The following CCDC149 variants were observed in gnomAD, a reference collection of about 807,000 sequenced individuals.
CCDC149 encodes the protein coiled-coil domain containing 149.
A neutral mutation model predicts 59.9 loss-of-function variants in CCDC149; 45 were observed. That is an observed-to-expected ratio of 0.75 (90% CI 0.59 to 0.96). The LOEUF is 0.96. CCDC149 is among the 40% of genes least tolerant of loss of function. The probability of loss-of-function intolerance (pLI) is 0.00; values close to 1 mark genes in which losing one functional copy is unlikely to be tolerated. For synonymous variants in CCDC149, 245 were observed against 260.6 expected (o/e 0.94, Z 0.58); for missense variants, 584 against 664.7 (o/e 0.88, Z 1.33).
Position 24,912,926 on chromosome 4 carries a change from C to T in CCDC149, c.-47G>A. 8.6e-7 allele frequency: 1 copy of T among 1,164,704 alleles called. No individual in the cohort carries two copies. The allele number at this position is 1,164,704 out of a possible 1,614,324, so 72.1% of individuals were successfully genotyped here. A position where few individuals can be genotyped will look rare whatever the true frequency, so the allele number is the denominator to read the frequency against. The stretch of plus-strand genomic sequence containing the variant: ...CCCCGCCGCCTCCTCCTCCTCGCGA[C>T]GTCGCGTCGCCGCCGCCGCCCGGGC... On this transcript the variant is annotated 5_prime_UTR_variant, in exon 1 of 13. Transcript: ENST00000635206.
chr4:24,847,383 T>G (rs1246068316), intron 4 of CCDC149, among the ~76,000 whole-genome samples: 4 of 152,186 alleles, frequency 2.6e-5, no homozygotes, highest in Non-Finnish European at 4.4e-5. Context: ...TAAATCTCAT[T>G]GTCCTGTTCT....
At chr4:24,803,975 C>T (rs975124556), downstream of CCDC149, among the ~76,000 whole-genome samples, 14 of 152,254 alleles carry the variant, frequency 9.2e-5, no homozygotes, top group Middle Eastern at 3.4e-3. The surrounding 1 kb of genome is among the most constrained non-coding windows in gnomAD (Gnocchi z 4.3). Context: ...AGATTCACTA[C>T]GGAGCTCCCA....
intron 1 of CCDC149, among the ~76,000 whole-genome samples, chr4:24,968,210 T>C (rs866598618): frequency 2.6e-5 from 4 of 152,326 alleles, no homozygotes; most frequent in Middle Eastern, 3.4e-3. Context: ...CACGGGGTGC[T>C]TGAAAATGCT....
intron 1 of CCDC149, among the ~76,000 whole-genome samples, chr4:24,950,667 C>A (rs1723258040): frequency 6.6e-6 from 1 of 152,232 alleles, no homozygotes; most frequent in African/African-American, 2.4e-5. Context: ...GGATAATTAT[C>A]GTACTTACCC....
intron 3 of CCDC149, among the ~76,000 whole-genome samples, chr4:24,856,556 C>T (rs1249668172): frequency 6.6e-6 from 1 of 152,136 alleles, no homozygotes; most frequent in South Asian, 2.1e-4. Flanking sequence ...AGAAAAAGTC[C>T]CAGACAGGGG....
At chr4:24,927,182 C>G (rs991960775) in intron 1 of CCDC149, among the ~76,000 whole-genome samples, 11 of 152,248 alleles carry the variant, frequency 7.2e-5, no homozygotes, top group Non-Finnish European at 1.3e-4. Context: ...AGCCATCTTT[C>G]GAAAATATAA....
chr4:24,867,496 A>G (rs1484324215), intron 3 of CCDC149, among the ~76,000 whole-genome samples: 1 of 152,240 alleles, frequency 6.6e-6, no homozygotes, highest in Non-Finnish European at 1.5e-5. Flanking sequence ...TGAAAAATAC[A>G]AAGTGTTTCA....
chr4:24,943,312 G>C (rs1291609416), intron 1 of CCDC149, among the ~76,000 whole-genome samples: 1 of 151,868 alleles, frequency 6.6e-6, no homozygotes, highest in Non-Finnish European at 1.5e-5. Flanking sequence ...ACAAGCAATG[G>C]GGAAAGGATT....
intron 3 of CCDC149, among the ~76,000 whole-genome samples, chr4:24,862,639 T>TG (rs1204895100): frequency 6.6e-6 from 1 of 152,226 alleles, no homozygotes; most frequent in African/African-American, 2.4e-5. Context: ...TGGGCCCTGT[T>TG]GGAGTTAACA....
intron 4 of CCDC149, among the ~76,000 whole-genome samples, chr4:24,849,156 C>A (rs1278646690): frequency 1.3e-5 from 2 of 152,072 alleles, no homozygotes; most frequent in African/African-American, 4.8e-5. Context: ...CCAACCTCTG[C>A]GGCAGACCAA....
chr4:24,918,267 G>T (rs889604622), intron 1 of CCDC149, among the ~76,000 whole-genome samples: 1 of 152,172 alleles, frequency 6.6e-6, no homozygotes, highest in Non-Finnish European at 1.5e-5. Flanking sequence ...GAATAATGGG[G>T]CTTGGGGATG....
chr4:24,855,921 C>T (rs1717975061), intron 3 of CCDC149, among the ~76,000 whole-genome samples: 1 of 152,258 alleles, frequency 6.6e-6, no homozygotes, highest in South Asian at 2.1e-4. Context: ...TCTGATCATG[C>T]CACTTCCTGG....
At chr4:24,969,118 G>A (rs1240396332) in intron 1 of CCDC149, among the ~76,000 whole-genome samples, 2 of 152,260 alleles carry the variant, frequency 1.3e-5, no homozygotes, top group African/African-American at 2.4e-5. Context: ...GCCCATGCAA[G>A]ACATTTGGGA....
intron 4 of CCDC149, among the ~76,000 whole-genome samples, chr4:24,842,111 T>G (rs1462679683): frequency 1.3e-5 from 2 of 152,232 alleles, no homozygotes; most frequent in Non-Finnish European, 2.9e-5. Flanking sequence ...TCAGGGGGAA[T>G]TCTGGCTACA....
intron 8 of CCDC149, 66 bp downstream of exon 8, chr4:24,834,882 G>T: frequency 8.3e-7 from 1 of 1,207,940 alleles, no homozygotes; most frequent in Non-Finnish European, 1.2e-6. Flanking sequence ...GCCTGGATGG[G>T]ATGTGGGCTT....
chr4:24,889,867 T>G (rs1369251204), intron 1 of CCDC149, among the ~76,000 whole-genome samples: 2 of 152,160 alleles, frequency 1.3e-5, no homozygotes, highest in African/African-American at 4.8e-5. Flanking sequence ...CTATTACTAA[T>G]GAGGCCCACT....
intron 12 of CCDC149, among the ~76,000 whole-genome samples, chr4:24,813,518 AT>A (rs1560197693): frequency 0.01 from 1,380 of 137,432 alleles, 52 homozygotes; most frequent in East Asian, 0.076. Context: ...ATATATATAT[AT>A]ATATATATAA....
At chr4:24,817,321 C>A (rs1042915367) in intron 12 of CCDC149, among the ~76,000 whole-genome samples, 3 of 152,304 alleles carry the variant, frequency 2.0e-5, no homozygotes, top group Non-Finnish European at 4.4e-5. Flanking sequence ...GCCAGCCTTA[C>A]AAGCAGCCAC....
At chr4:24,849,869 G>A (rs1192389956) in intron 4 of CCDC149, among the ~76,000 whole-genome samples, 1 of 152,198 alleles carries the variant, frequency 6.6e-6, no homozygotes, top group African/African-American at 2.4e-5. Flanking sequence ...TCCAAAAACA[G>A]CAATTATTAA....
Sources: allele counts gnomAD v4.1 joint callset (sites outside exome capture counted in the v4.1 genomes callset), GRCh38; gene constraint gnomAD v4.1.1; non-coding constraint Gnocchi (gnomAD v3.1); transcripts MANE v1.5; gene names NCBI Gene and HGNC (gene_info 2026-07-23, HGNC 2026-07-21).